RPH3AL: variants seen among roughly 807,000 people sequenced by gnomAD.
The protein encoded by RPH3AL is rab effector Noc2.
Under a neutral mutation model 43.1 loss-of-function variants are expected in RPH3AL, and 38 were observed. That is an observed-to-expected ratio of 0.88 (90% CI 0.68 to 1.15). RPH3AL has a LOEUF of 1.15. Ranked by LOEUF, RPH3AL falls within the 50% of genes most tolerant of loss-of-function variation. The pLI is 0.00. For synonymous variants in RPH3AL, 189 were observed against 176.3 expected (o/e 1.07, Z -0.57); for missense variants, 462 against 423.2 (o/e 1.09, Z -0.81).
chr17:333,043 C>A lies in RPH3AL; in HGVS notation c.-37+716G>T, dbSNP rs537305864. 1.6e-6 allele frequency: 2 copies of A among 1,289,166 alleles called. No homozygotes were observed. The highest frequency in any genetic ancestry group is 5.5e-5 in the East Asian group (1 of 18,022). The allele number at this position is 1,289,166 out of a possible 1,614,324, so 79.9% of individuals were successfully genotyped here. On this transcript the variant is annotated intron_variant, in intron 2 of 9. Transcript: ENST00000331302. The surrounding 1 kb of genome is among the most constrained non-coding windows in gnomAD (Gnocchi z 4.5). Reference sequence around the variant, plus strand: ...TCCTGAGACAGATCGGTAAAAACAACCCCTTCTTCCAGGAGGATGCAATTC... The same window carrying A: ...TCCTGAGACAGATCGGTAAAAACAAACCCTTCTTCCAGGAGGATGCAATTC...
chr17:218,934 C>T (rs1268302636), intron 8 of RPH3AL, among the ~76,000 whole-genome samples: 1 of 152,128 alleles, frequency 6.6e-6, no homozygotes, highest in Non-Finnish European at 1.5e-5. Flanking sequence ...AAGAGGCAAA[C>T]TCTCAGTTGG....
At chr17:238,737 C>A (rs151152383) in intron 7 of RPH3AL, among the ~76,000 whole-genome samples, 68 of 152,290 alleles carry the variant, frequency 4.5e-4, no homozygotes, top group African/African-American at 1.6e-3. Context: ...ACTTTCACCT[C>A]CCACCCCCAG....
At chr17:291,365 C>T (rs746869708) in intron 5 of RPH3AL, among the ~76,000 whole-genome samples, 2 of 152,052 alleles carry the variant, frequency 1.3e-5, no homozygotes, top group Admixed American at 6.6e-5. Context: ...CACAATGAGA[C>T]TCCCCCACCC....
chr17:327,165 GAC>G (rs2044639763), intron 3 of RPH3AL, among the ~76,000 whole-genome samples: 2 of 152,194 alleles, frequency 1.3e-5, no homozygotes, highest in Non-Finnish European at 2.9e-5. Flanking sequence ...TGATAGAAAG[GAC>G]ACACAGGCTA....
At chr17:316,467 T>C (rs1350912467) in intron 5 of RPH3AL, among the ~76,000 whole-genome samples, 24 of 148,956 alleles carry the variant, frequency 1.6e-4, no homozygotes, top group African/African-American at 6.0e-4. Context: ...CACTGACCTG[T>C]AGTCTCTGTG....
intron 6 of RPH3AL, among the ~76,000 whole-genome samples, chr17:252,029 G>C (rs1038448746): frequency 6.0e-5 from 9 of 149,958 alleles, no homozygotes. Context: ...ACGGAGTGCA[G>C]TGGAGCAATC....
At chr17:351,642 G>T (rs574398955) in intron 1 of RPH3AL, among the ~76,000 whole-genome samples, 1 of 152,086 alleles carries the variant, frequency 6.6e-6, no homozygotes, top group Middle Eastern at 3.4e-3. Context: ...GCCTCCACAC[G>T]CCACCAGCCA....
chr17:283,000 C>T (rs1475070358), intron 5 of RPH3AL, among the ~76,000 whole-genome samples: 1 of 152,206 alleles, frequency 6.6e-6, no homozygotes, highest in Non-Finnish European at 1.5e-5. Context: ...AAGAAGCAAG[C>T]TGGGAGGCAG....
In RPH3AL at chr17:348,110, A is replaced by G. The variant is rs575016955; in HGVS notation, c.-213+4602T>C. Among the ~76,000 whole-genome samples the G allele has an allele frequency of 1.8e-3, 251 of 140,848 alleles. 2 individuals carry two copies. The highest frequency in any genetic ancestry group is 6.4e-3 in the African/African-American group (243 of 38,112). 92.4% of individuals were successfully genotyped at this position (140,848 alleles called of 152,430 possible). A position where few individuals can be genotyped will look rare whatever the true frequency, so the allele number is the denominator to read the frequency against. On this transcript the variant is annotated intron_variant, in intron 1 of 9. Transcript: ENST00000331302. ...GGAGCAGTTAAAAAAAAAAAAAAAA[A>G]CAGAGCTGGCAAAGGGAAGGAAACC...
At chr17:317,712 G>T (rs2044328932) in intron 5 of RPH3AL, among the ~76,000 whole-genome samples, 1 of 152,256 alleles carries the variant, frequency 6.6e-6, no homozygotes, top group South Asian at 2.1e-4. Flanking sequence ...GAAAAGAAAT[G>T]AGGTAGCTGA....
chr17:216,217 A>G (rs1056448397), intron 8 of RPH3AL, among the ~76,000 whole-genome samples: 2 of 142,194 alleles, frequency 1.4e-5, no homozygotes, highest in African/African-American at 5.3e-5. Flanking sequence ...CCCCACCCAC[A>G]TGGCTGCCGG....
chr17:247,372 G>T lies in RPH3AL; in HGVS notation c.439-87C>A, dbSNP rs898799310. 6 of 1,356,910 alleles carry T rather than the reference G, an allele frequency of 4.4e-6. No individual in the cohort carries two copies. In the East Asian group the frequency reaches 1.2e-4, roughly 28 times the overall value. 84.1% of individuals were successfully genotyped at this position (1,356,910 alleles called of 1,614,324 possible). A position where few individuals can be genotyped will look rare whatever the true frequency, so the allele number is the denominator to read the frequency against. On this transcript the variant is annotated intron_variant, in intron 6 of 9. Transcript: ENST00000331302. ...TTGCCCAGATGACGGGAGGCAGGAC[G>T]CGGAGAGCTAGGAGCAGAGTGGGAG...
chr17:237,135 G>A (rs150627154), intron 7 of RPH3AL, among the ~76,000 whole-genome samples: 113 of 152,328 alleles, frequency 7.4e-4, no homozygotes, highest in African/African-American at 2.6e-3. Context: ...GGGGAAGGGC[G>A]GCCCCGGCAA....
chr17:262,589 C>T (rs1555546683), intron 6 of RPH3AL, among the ~76,000 whole-genome samples: 3 of 152,126 alleles, frequency 2.0e-5, no homozygotes. Context: ...CTTTGGGAGG[C>T]CGAGGTGGGA....
rs746396462 is a variant in RPH3AL, at chr17:245,115, ATG to A, written c.613+1994_613+1995del. On this transcript the variant is annotated intron_variant, in intron 7 of 9. Transcript: ENST00000331302. The surrounding 1 kb of genome is among the most constrained non-coding windows in gnomAD (Gnocchi z 5.9). ...TGTGTAGACGTGTGTGTACATGTGGATGTGTGTGTGGATGTGTGTGTCCATGT... is the reference window on the plus strand; with the variant it reads ...TGTGTAGACGTGTGTGTACATGTGGATGTGTGTGGATGTGTGTGTCCATGT... Among the ~76,000 whole-genome samples, 3 of 147,984 alleles carry A rather than the reference ATG, an allele frequency of 2.0e-5. No homozygotes were observed. Among genetic ancestry groups the A allele is most frequent in the African/African-American group, 5.1e-5 (2 of 39,570 alleles).
At chr17:302,316 C>T (rs1480731065) in intron 5 of RPH3AL, among the ~76,000 whole-genome samples, 1 of 152,232 alleles carries the variant, frequency 6.6e-6, no homozygotes, top group Non-Finnish European at 1.5e-5. Context: ...GTTCTGAGCA[C>T]AGCTGTCTCC....
At chr17:311,812 C>T (rs2043653770) in intron 5 of RPH3AL, among the ~76,000 whole-genome samples, 3 of 152,108 alleles carry the variant, frequency 2.0e-5, no homozygotes, top group African/African-American at 4.8e-5. Context: ...GCTGTGGGAG[C>T]TCCAATTTTA....
Position 340,354 on chromosome 17 carries a change from A to C in RPH3AL, c.-212-6420T>G, listed in dbSNP as rs189378909. ...CATGCCCAGGCCCAGGCCTCCCCACATCCACACTCACTGCCCTGGGCTCAG... is the reference window on the plus strand; with the variant it reads ...CATGCCCAGGCCCAGGCCTCCCCACCTCCACACTCACTGCCCTGGGCTCAG... On this transcript the variant is annotated intron_variant, in intron 1 of 9. Coordinates refer to ENST00000331302, the MANE Select transcript of RPH3AL (RefSeq NM_006987.4). 5.6e-4 allele frequency among the ~76,000 whole-genome samples: 83 copies of C among 147,822 alleles called. 4 individuals carry two copies. The East Asian group carries it at 0.015, about 27-fold the overall frequency.
Position 264,085 on chromosome 17 carries a change from A to C in RPH3AL, c.439-16800T>G, listed in dbSNP as rs185494035. Reference sequence around the variant, plus strand: ...AGCCACGATTTTGGCCGCGTGCGACAAGCCGGACTCTCCAAGAGCCTTGGA... The same window carrying C: ...AGCCACGATTTTGGCCGCGTGCGACCAGCCGGACTCTCCAAGAGCCTTGGA... On this transcript the variant is annotated intron_variant, in intron 6 of 9. Coordinates refer to ENST00000331302, the MANE Select transcript of RPH3AL (RefSeq NM_006987.4). This position sits in a 1 kb window ranked among gnomAD's most constrained non-coding sequence, Gnocchi z 4.8. 6.6e-6 allele frequency among the ~76,000 whole-genome samples: 1 copy of C among 152,326 alleles called. No individual in the cohort carries two copies. The highest frequency in any genetic ancestry group is 1.9e-4 in the East Asian group (1 of 5,186).
Sources: allele counts gnomAD v4.1 joint callset (sites outside exome capture counted in the v4.1 genomes callset), GRCh38; gene constraint gnomAD v4.1.1; non-coding constraint Gnocchi (gnomAD v3.1); transcripts MANE v1.5; gene names NCBI Gene and HGNC (gene_info 2026-07-23, HGNC 2026-07-21).